The following MTSS1 variants were observed in gnomAD, a reference collection of about 807,000 sequenced individuals.
MTSS1 encodes the protein protein MTSS 1.
A neutral mutation model predicts 79.0 loss-of-function variants in MTSS1; 18 were observed. The observed-to-expected ratio is 0.23, with a 90% CI of 0.16 to 0.34. MTSS1 has a LOEUF of 0.34. MTSS1 is among the 10% of genes least tolerant of loss of function. MTSS1 has a pLI of 1.00. For synonymous variants in MTSS1, 341 were observed against 368.6 expected, an observed-to-expected ratio of 0.93 and a Z score of 0.86; for missense variants, 815 against 986.2, an observed-to-expected ratio of 0.83 and a Z score of 2.33.
intron 3 of MTSS1, among the ~76,000 whole-genome samples, chr8:124,646,986 C>T (rs553788514): frequency 9.9e-5 from 15 of 152,250 alleles, no homozygotes; most frequent in African/African-American, 2.9e-4. Context: ...GCTGGGACTA[C>T]AGGCATGTGC....
chr8:124,657,091 A>G (rs555244655), intron 3 of MTSS1, among the ~76,000 whole-genome samples: 1 of 152,334 alleles, frequency 6.6e-6, no homozygotes, highest in African/African-American at 2.4e-5. Context: ...ATGTGAATGA[A>G]TGATTGTTAA....
chr8:124,580,686 C>T (rs563171248), intron 6 of MTSS1: 1 of 1,139,752 alleles, frequency 8.8e-7, no homozygotes, highest in African/African-American at 1.5e-5. Flanking sequence ...TTAAACAGTC[C>T]ATGGCTCGCC....
rs201429479 is a variant in MTSS1, at chr8:124,553,466, A to T, written c.1794T>A (p.Ser598=). ...CAGCTCCAATGGTTCCCCGGCGGAC[A>T]GAAGGCTTGGTGGAAGGGGTCCGTC... The part of the protein sequence containing the change: ...TIRRTPSTKP[S]VRRGTIGAGP... Residue 598 remains serine, a synonymous_variant, in exon 14 of 14, where the codon TCT becomes TCA. Transcript: ENST00000518547. The surrounding 1 kb of genome is among the most constrained non-coding windows in gnomAD (Gnocchi z 6.0). 1.2e-5 allele frequency: 20 copies of T among 1,610,052 alleles called. No individual in the cohort carries two copies. Among genetic ancestry groups the T allele is most frequent in the Non-Finnish European group, 1.5e-5 (18 of 1,177,072 alleles).
intron 1 of MTSS1, among the ~76,000 whole-genome samples, chr8:124,715,070 C>T (rs1022600647): frequency 2.0e-5 from 3 of 152,188 alleles, no homozygotes; most frequent in Non-Finnish European, 4.4e-5. Context: ...AAATGTTAGA[C>T]CTTCTAAGCG....
rs778325907 is a variant in MTSS1, at chr8:124,562,984, T to A, written c.833A>T (p.Asn278Ile). The A allele has an allele frequency of 1.2e-6, 2 of 1,607,050 alleles. No individual in the cohort carries two copies. Among genetic ancestry groups the A allele is most frequent in the Non-Finnish European group, 1.7e-6 (2 of 1,177,340 alleles). The change falls in exon 10 of 14, where the codon AAC becomes ATC. Residue 278 changes from asparagine (N) to isoleucine (I), a missense_variant. This residue lies in a region of MTSS1 where 225 missense variants were observed against 365.4 expected (regional missense o/e 0.62). Transcript: ENST00000518547. ...SRKSSVCSSL[N>I]SVNSSDSRSS... is the part of the protein sequence containing the mutation. ...CCGGGAGTCACTGCTGTTGACACTGTTCAGGCTGCTGTGGAGGACAAGCAG... is the reference window on the plus strand; with the variant it reads ...CCGGGAGTCACTGCTGTTGACACTGATCAGGCTGCTGTGGAGGACAAGCAG...
At chr8:124,658,378 C>A (rs951876435) in intron 3 of MTSS1, among the ~76,000 whole-genome samples, 1 of 152,168 alleles carries the variant, frequency 6.6e-6, no homozygotes, top group Non-Finnish European at 1.5e-5. Context: ...GTAAGAAGTG[C>A]CTTTCATCTT....
At chr8:124,567,822 G>C in intron 7 of MTSS1, 1 of 1,515,018 alleles carries the variant, frequency 6.6e-7, no homozygotes, top group Non-Finnish European at 8.8e-7. Flanking sequence ...AGGGAAATGA[G>C]CTGGTACCTT....
At chr8:124,653,108 G>A (rs1251889510) in intron 3 of MTSS1, among the ~76,000 whole-genome samples, 1 of 152,212 alleles carries the variant, frequency 6.6e-6, no homozygotes, top group Non-Finnish European at 1.5e-5. Context: ...GGAATGCCCG[G>A]ATGGGGCACA....
chr8:124,587,479 G>C (rs1487645480), intron 5 of MTSS1, among the ~76,000 whole-genome samples: 1 of 152,116 alleles, frequency 6.6e-6, no homozygotes, highest in Admixed American at 6.5e-5. Context: ...GTTAGGGTAG[G>C]GGGGATAAAA....
intron 13 of MTSS1, among the ~76,000 whole-genome samples, chr8:124,555,438 G>A (rs1215106870): frequency 2.0e-5 from 3 of 152,044 alleles, no homozygotes; most frequent in Non-Finnish European, 4.4e-5. Flanking sequence ...AGTAGAGATG[G>A]GGTTTCACCA....
At chr8:124,721,213 A>G (rs1156282124) in intron 1 of MTSS1, among the ~76,000 whole-genome samples, 1 of 152,122 alleles carries the variant, frequency 6.6e-6, no homozygotes, top group Non-Finnish European at 1.5e-5. Flanking sequence ...AATAAAGTCA[A>G]TTCCTTGACT....
chr8:124,586,671 G>A (rs911018995), intron 5 of MTSS1, among the ~76,000 whole-genome samples: 8 of 152,206 alleles, frequency 5.3e-5, no homozygotes, highest in African/African-American at 1.2e-4. Flanking sequence ...TGAAGGAAGT[G>A]CTGTGTCACC....
At chr8:124,642,044 T>C (rs957956773) in intron 3 of MTSS1, among the ~76,000 whole-genome samples, 1 of 152,076 alleles carries the variant, frequency 6.6e-6, no homozygotes, top group East Asian at 1.9e-4. Flanking sequence ...TTTCAGTAAA[T>C]AGAAAGTCTC....
chr8:124,716,500 G>C (rs1378274778), intron 1 of MTSS1, among the ~76,000 whole-genome samples: 2 of 152,090 alleles, frequency 1.3e-5, no homozygotes, highest in African/African-American at 4.8e-5. Context: ...TGACCCAGGG[G>C]GCACTCCCAC....
intron 3 of MTSS1, among the ~76,000 whole-genome samples, chr8:124,591,635 G>C (rs148535324): frequency 6.6e-6 from 1 of 152,216 alleles, no homozygotes; most frequent in African/African-American, 2.4e-5. Context: ...GGGAAGAGCT[G>C]TAGCTTTTCT....
chr8:124,595,241 C>T (rs746308463), intron 3 of MTSS1, among the ~76,000 whole-genome samples: 1 of 152,196 alleles, frequency 6.6e-6, no homozygotes, highest in Non-Finnish European at 1.5e-5. Flanking sequence ...CCTAGAGATA[C>T]AATGCTGTAT....
chr8:124,557,892 AAAG>A lies in MTSS1; in HGVS notation c.1036-20_1036-18del. ...GTTAGACAACTGGAAACAAACAAAA[AAAG>A]GGGGGGGGAAGGAAAAAAAATTAAT... On this transcript the variant is annotated intron_variant, in intron 10 of 13. Coordinates refer to ENST00000518547, the MANE Select transcript of MTSS1 (RefSeq NM_014751.6). 6.6e-7 allele frequency: 1 copy of A among 1,524,184 alleles called. No individual in the cohort carries two copies. Among genetic ancestry groups the A allele is most frequent in the Non-Finnish European group, 8.9e-7 (1 of 1,123,506 alleles). 94.4% of individuals were successfully genotyped at this position (1,524,184 alleles called of 1,614,324 possible).
chr8:124,600,477 G>T (rs1452045428), intron 3 of MTSS1, among the ~76,000 whole-genome samples: 7 of 152,250 alleles, frequency 4.6e-5, no homozygotes, highest in Admixed American at 4.6e-4. Flanking sequence ...GCATGCTAGA[G>T]AGAGAGTCTG....
intron 6 of MTSS1, among the ~76,000 whole-genome samples, chr8:124,576,212 G>A (rs1238496283): frequency 1.3e-5 from 2 of 152,222 alleles, no homozygotes; most frequent in Admixed American, 1.3e-4. Flanking sequence ...GCCAGTCATT[G>A]TAAATATGGT....
Sources: gnomAD v4.1 joint callset for allele counts (sites outside exome capture counted in the v4.1 genomes callset) on GRCh38, gnomAD v4.1.1 for gene constraint, gnomAD v4.1.1 regional missense constraint, Gnocchi (gnomAD v3.1) non-coding constraint, MANE v1.5 for transcripts, NCBI Gene and HGNC (gene_info 2026-07-23, HGNC 2026-07-21) for gene names.